POLL: variants seen among roughly 807,000 people sequenced by gnomAD.
The protein encoded by POLL is DNA polymerase lambda.
Under a neutral mutation model 58.1 loss-of-function variants are expected in POLL, and 44 were observed. The observed-to-expected ratio is 0.76, with a 90% CI of 0.60 to 0.97. POLL has a LOEUF of 0.97. POLL is among the 50% of genes least tolerant of loss of function. The probability of loss-of-function intolerance (pLI) is 0.00; values close to 1 mark genes in which losing one functional copy is unlikely to be tolerated. For missense variants in POLL, 632 were observed against 736.8 expected (o/e 0.86, Z 1.65); for synonymous variants, 290 against 283.2 (o/e 1.02, Z -0.24).
intron 7 of POLL, chr10:101,581,093 C>T (rs964298961): frequency 2.0e-5 from 3 of 152,300 alleles, no homozygotes; most frequent in African/African-American, 7.2e-5. Context: ...ACCCATTAGC[C>T]TCCACCCCTG....
intron 4 of POLL, 49 bp from the exon 5 acceptor site, chr10:101,584,968 A>C: frequency 8.0e-7 from 1 of 1,256,048 alleles, no homozygotes; most frequent in South Asian, 2.5e-5. Flanking sequence ...TCTCCAAGAG[A>C]AGGGATCCTT....
Position 101,579,419 on chromosome 10 carries a change from C to T in POLL, c.*34G>A. 1 of 1,565,126 alleles carries T rather than the reference C, an allele frequency of 6.4e-7. No individual in the cohort carries two copies. Among genetic ancestry groups the T allele is most frequent in the African/African-American group, 1.4e-5 (1 of 73,780 alleles). On this transcript the variant is annotated 3_prime_UTR_variant, in exon 9 of 9. Coordinates refer to ENST00000370162, the MANE Select transcript of POLL (RefSeq NM_001174084.2). This position sits in a 1 kb window ranked among gnomAD's most constrained non-coding sequence, Gnocchi z 4.4. ...GGGTGGCCAGGAGGGGTAGCCAGTC[C>T]AACTCGGCTCTCCTCAGCACCCCCA...
rs201676435 is a variant in POLL at position 101,585,912 on chromosome 10, C to T, written c.360G>A (p.Gln120=). The change falls in exon 3 of 9, where the codon CAG becomes CAA. Residue 120 remains glutamine, a synonymous_variant. Coordinates refer to ENST00000370162, the MANE Select transcript of POLL (RefSeq NM_001174084.2). ...CAGCTACATCCACCAGCCTCCTCTC[C>T]TGAAGGCACAAGCTCAGCCAGGCTG... The part of the protein sequence containing the change: ...VKSAWLSLCL[Q]ERRLVDVAGF... 7.7e-5 allele frequency: 124 copies of T among 1,609,902 alleles called. No homozygotes were observed. The East Asian group carries it at 2.6e-3, about 34-fold the overall frequency.
At chr10:101,585,797 A>T in intron 3 of POLL, 65 bp downstream of exon 3, 1 of 1,340,332 alleles carries the variant, frequency 7.5e-7, no homozygotes, top group Non-Finnish European at 1.0e-6. Context: ...TATTTTTAAT[A>T]ATTCAAGAAA....
At chr10:101,583,167 G>A in intron 6 of POLL, 1 of 602,344 alleles carries the variant, frequency 1.7e-6, no homozygotes, top group East Asian at 2.8e-5. Context: ...TTACCAAGCT[G>A]CCCTGGTGAT....
intron 2 of POLL, chr10:101,587,018 C>T (rs2063396343): frequency 2.4e-6 from 2 of 823,054 alleles, no homozygotes; most frequent in East Asian, 3.3e-5. Flanking sequence ...CCCAGGGAGT[C>T]TTTTCTGATG....
In POLL at chr10:101,586,108, C is replaced by T. The variant is rs1000630474; in HGVS notation, c.164G>A (p.Arg55Gln). Reference sequence around the variant, plus strand: ...CTTCTCAAAGAGTTCTGCCCGGGCTCGTCCAATGCCAGTGCGCACAACATG... The same window carrying T: ...CTTCTCAAAGAGTTCTGCCCGGGCTTGTCCAATGCCAGTGCGCACAACATG... The part of the protein sequence containing the change: ...RAHVVRTGIG[R>Q]ARAELFEKQI... Residue 55 changes from arginine (R) to glutamine (Q), a missense_variant, in exon 3 of 9, where the codon CGA (arginine) becomes CAA (glutamine). Physicochemically the swap from Arg to Gln is conservative, Grantham distance 43. Transcript: ENST00000370162. 3 of 1,613,690 alleles carry T rather than the reference C, an allele frequency of 1.9e-6. No individual in the cohort carries two copies. The highest frequency in any genetic ancestry group is 2.5e-6 in the Non-Finnish European group (3 of 1,179,944).
In POLL at chr10:101,588,119, C is replaced by T; in HGVS notation, c.-344G>A. 6.6e-7 allele frequency: 1 copy of T among 1,515,600 alleles called. No homozygotes were observed. The highest frequency in any genetic ancestry group is 8.8e-7 in the Non-Finnish European group (1 of 1,134,400). The allele number at this position is 1,515,600 out of a possible 1,614,324, so 93.9% of individuals were successfully genotyped here. A position where few individuals can be genotyped will look rare whatever the true frequency, so the allele number is the denominator to read the frequency against. Reference sequence around the variant, plus strand: ...TGCCCGACCCCGGCCCCAAGAGTCTCTCCAACCCCCAGAGTCGGTCCCCGG... The same window carrying T: ...TGCCCGACCCCGGCCCCAAGAGTCTTTCCAACCCCCAGAGTCGGTCCCCGG... On this transcript the variant is annotated 5_prime_UTR_variant, in exon 1 of 9. Coordinates refer to ENST00000370162, the MANE Select transcript of POLL (RefSeq NM_001174084.2).
rs1029344299 is a variant in POLL, at chr10:101,587,946, G to C, written c.-171C>G. On this transcript the variant is annotated 5_prime_UTR_variant, in exon 1 of 9. Coordinates refer to ENST00000370162, the MANE Select transcript of POLL (RefSeq NM_001174084.2). ...AGCGCCGCAGCTGCGGGGAGATGGG[G>C]CACGGCCGCAGCAGGTGTGGGGAGC... 1.6e-6 allele frequency: 2 copies of C among 1,247,036 alleles called. No individual in the cohort carries two copies. The highest frequency in any genetic ancestry group is 2.1e-6 in the Non-Finnish European group (2 of 968,098). 77.2% of individuals were successfully genotyped at this position (1,247,036 alleles called of 1,614,324 possible).
chr10:101,586,943 G>A (rs2063389744), intron 2 of POLL, among the ~76,000 whole-genome samples: 1 of 152,146 alleles, frequency 6.6e-6, no homozygotes, highest in Non-Finnish European at 1.5e-5. Flanking sequence ...AACAAGCCTG[G>A]GTAATGGAGG....
At chr10:101,587,513 T>A in intron 1 of POLL, 107 bp from the exon 2 acceptor site, 2 of 1,018,154 alleles carry the variant, frequency 2.0e-6, no homozygotes, top group Non-Finnish European at 2.6e-6. Context: ...GGGAAGCGGG[T>A]CGGGGGAGGG....
In POLL at chr10:101,583,294, T is replaced by C. The variant is rs1009184987; in HGVS notation, c.1065+214A>G. 6.6e-6 allele frequency: 4 copies of C among 602,968 alleles called. No individual in the cohort carries two copies. In the South Asian group the frequency reaches 8.3e-5, roughly 12 times the overall value. 37.4% of individuals were successfully genotyped at this position (602,968 alleles called of 1,614,324 possible). ...CTGAGAAACATACTTCTTGTCCCTG[T>C]CTACTCCTTCTTAAGGATACCAAGC... is the stretch of plus-strand genomic sequence containing the variant. On this transcript the variant is annotated intron_variant, in intron 6 of 8. Transcript: ENST00000370162.
Position 101,587,859 on chromosome 10 carries a change from C to CG in POLL, c.-85dup. ...CTCGCAGAGGAAGGAGGAGGACTTT[C>CG]GGGGGTGAGTGGGAACGCCCTGCAC... On this transcript the variant is annotated 5_prime_UTR_variant, in exon 1 of 9. Coordinates refer to ENST00000370162, the MANE Select transcript of POLL (RefSeq NM_001174084.2). 1 of 1,190,464 alleles carries CG rather than the reference C, an allele frequency of 8.4e-7. No individual in the cohort carries two copies. The highest frequency in any genetic ancestry group is 1.6e-5 in the African/African-American group (1 of 62,758). 73.7% of individuals were successfully genotyped at this position (1,190,464 alleles called of 1,614,324 possible). A position where few individuals can be genotyped will look rare whatever the true frequency, so the allele number is the denominator to read the frequency against.
Position 101,579,718 on chromosome 10 carries a change from C to CGCCGGT in POLL, c.1457_1462dup (p.His486_Arg487dup). The CGCCGGT allele has an allele frequency of 6.2e-7, 1 of 1,613,786 alleles. No individual in the cohort carries two copies. Among genetic ancestry groups the CGCCGGT allele is most frequent in the Non-Finnish European group, 8.5e-7 (1 of 1,179,978 alleles). On this transcript the variant is annotated inframe_insertion, in exon 9 of 9. Coordinates refer to ENST00000370162, the MANE Select transcript of POLL (RefSeq NM_001174084.2). This position sits in a 1 kb window ranked among gnomAD's most constrained non-coding sequence, Gnocchi z 4.4. ...ATAGGGCACCACGATGATGTCCAGG[C>CGCCGGT]GCCGGTGCCGCCGCCCTGGCCCTGG...
Position 101,588,063 on chromosome 10 carries a change from A to C in POLL, c.-288T>G. The C allele has an allele frequency of 2.8e-6, 4 of 1,441,294 alleles. No individual in the cohort carries two copies. Among genetic ancestry groups the C allele is most frequent in the East Asian group, 3.1e-5 (1 of 32,312 alleles). The allele number at this position is 1,441,294 out of a possible 1,614,324, so 89.3% of individuals were successfully genotyped here. ...GTACGCAGCTGGCGCAGGCCAGGGAATCCCAGCTCGGGGCTAGAAGAAAGC... is the reference window on the plus strand; with the variant it reads ...GTACGCAGCTGGCGCAGGCCAGGGACTCCCAGCTCGGGGCTAGAAGAAAGC... On this transcript the variant is annotated 5_prime_UTR_variant, in exon 1 of 9. Transcript: ENST00000370162.
At chr10:101,586,636 G>A (rs371439614) in intron 2 of POLL, among the ~76,000 whole-genome samples, 2 of 152,206 alleles carry the variant, frequency 1.3e-5, no homozygotes, top group South Asian at 2.1e-4. Flanking sequence ...TGGGATTACC[G>A]GCGTGTGCCA....
chr10:101,584,960 T>G, intron 4 of POLL, 41 bp from the exon 5 acceptor site: 1 of 1,242,660 alleles, frequency 8.0e-7, no homozygotes, highest in Non-Finnish European at 1.0e-6. Context: ...ATTCTTGTTC[T>G]CCAAGAGAAG....
intron 2 of POLL, 84 bp from the exon 3 acceptor site, chr10:101,586,240 A>G (rs2063327152): frequency 1.4e-5 from 16 of 1,178,526 alleles, no homozygotes; most frequent in Non-Finnish European, 2.0e-5. Flanking sequence ...AACTTCTAAC[A>G]TGATCTGAAT....
rs2062877434 is a variant in POLL at position 101,579,782 on chromosome 10, TCTC to T, written c.1396_1398del (p.Glu466del). 6.2e-7 allele frequency: 1 copy of T among 1,613,440 alleles called. No individual in the cohort carries two copies. On this transcript the variant is annotated inframe_deletion, in exon 9 of 9. Transcript: ENST00000370162. This position sits in a 1 kb window ranked among gnomAD's most constrained non-coding sequence, Gnocchi z 4.4. ...CCCAAGTACTTCTGTTGCTGACCATTCTCCTCTTGGCTCACCAAGTCATCTGTG... is the reference window on the plus strand; with the variant it reads ...CCCAAGTACTTCTGTTGCTGACCATTCTCTTGGCTCACCAAGTCATCTGTG...
Sources: gnomAD v4.1 joint callset for allele counts (sites outside exome capture counted in the v4.1 genomes callset) on GRCh38, gnomAD v4.1.1 for gene constraint, Gnocchi (gnomAD v3.1) non-coding constraint, MANE v1.5 for transcripts, NCBI Gene and HGNC (gene_info 2026-07-23, HGNC 2026-07-21) for gene names.